Variants in PAPPA2 observed in about 807,000 individuals in gnomAD.
PAPPA2 encodes pappalysin 2.
PAPPA2 carries 86 observed loss-of-function variants against 176.4 expected under a neutral mutation model. That is an observed-to-expected ratio of 0.49 (90% confidence interval 0.41 to 0.58). PAPPA2 has a LOEUF of 0.58. PAPPA2 is among the 20% of genes least tolerant of loss of function. The pLI, the probability that PAPPA2 is intolerant of heterozygous loss-of-function variation, is 0.00. For synonymous variants in PAPPA2, 809 were observed against 852.2 expected (o/e 0.95, Z 0.88); for missense variants, 2,073 against 2,256.9 (o/e 0.92, Z 1.65).
At chr1:176,686,326 G>A (rs975423534) in intron 4 of PAPPA2, among the ~76,000 whole-genome samples, 2 of 152,180 alleles carry the variant, frequency 1.3e-5, no homozygotes, top group South Asian at 4.1e-4. Context: ...ATGAGTGCCA[G>A]TATGGGAAAT....
chr1:176,774,334 C>A (rs1002856187), intron 17 of PAPPA2, among the ~76,000 whole-genome samples: 9 of 152,144 alleles, frequency 5.9e-5, no homozygotes, highest in African/African-American at 2.2e-4. Flanking sequence ...GCCCATAAGA[C>A]CAACTGCCTA....
Position 176,792,369 on chromosome 1 carries a change from A to G in PAPPA2, c.5020+887A>G, listed in dbSNP as rs144074551. Among the ~76,000 whole-genome samples, 1,195 of 152,350 alleles carry G rather than the reference A, an allele frequency of 7.8e-3. 19 individuals carry two copies. The highest frequency in any genetic ancestry group is 0.027 in the African/African-American group (1,111 of 41,574). ...TTATCGGACATTCTAACCAATGCCA[A>G]TGAGTATAATTTGCATTAATTAGGA... On this transcript the variant is annotated intron_variant, in intron 19 of 22. Coordinates refer to ENST00000367662, the MANE Select transcript of PAPPA2 (RefSeq NM_020318.3).
intron 14 of PAPPA2, among the ~76,000 whole-genome samples, chr1:176,746,825 T>C (rs1662929349): frequency 6.6e-6 from 1 of 152,168 alleles, no homozygotes; most frequent in Non-Finnish European, 1.5e-5. Context: ...TCTTTTAAAA[T>C]AAATATCCAT....
chr1:176,570,114 T>G (rs1652231671), intron 2 of PAPPA2, among the ~76,000 whole-genome samples: 1 of 152,244 alleles, frequency 6.6e-6, no homozygotes, highest in African/African-American at 2.4e-5. Flanking sequence ...AACTTTCGTT[T>G]TGTGCACATT....
At chr1:176,464,179 A>T (rs577409388) in intron 1 of PAPPA2, among the ~76,000 whole-genome samples, 2 of 152,312 alleles carry the variant, frequency 1.3e-5, no homozygotes, top group Admixed American at 1.3e-4. Flanking sequence ...AAATTCTGGA[A>T]CAGTGATTTC....
chr1:176,689,167 T>G (rs749560326), intron 4 of PAPPA2, among the ~76,000 whole-genome samples: 10 of 152,042 alleles, frequency 6.6e-5, no homozygotes, highest in Non-Finnish European at 1.2e-4. Flanking sequence ...CCCTGACAAT[T>G]TTGGGGTGTA....
At chr1:176,648,710 G>A (rs1451863439) in intron 3 of PAPPA2, among the ~76,000 whole-genome samples, 2 of 151,298 alleles carry the variant, frequency 1.3e-5, no homozygotes, top group Non-Finnish European at 3.0e-5. Context: ...TTTGTTCTTG[G>A]TTATGTTAAT....
chr1:176,600,091 G>T (rs1654224041), intron 3 of PAPPA2, among the ~76,000 whole-genome samples: 1 of 152,124 alleles, frequency 6.6e-6, no homozygotes, highest in Admixed American at 6.6e-5. Flanking sequence ...GATGTGTCAG[G>T]CATGGTAAGG....
At chr1:176,627,559 T>C (rs1444007202) in intron 3 of PAPPA2, among the ~76,000 whole-genome samples, 2 of 152,250 alleles carry the variant, frequency 1.3e-5, no homozygotes, top group Non-Finnish European at 2.9e-5. Context: ...TTTAACGCTA[T>C]TCTTTTAAAA....
chr1:176,710,050 C>T lies in PAPPA2; in HGVS notation c.3525C>T (p.Ser1175=), dbSNP rs767221825. Residue 1175 remains serine (S), a synonymous_variant, in exon 11 of 23, where the codon AGC becomes AGT. Coordinates refer to ENST00000367662, the MANE Select transcript of PAPPA2 (RefSeq NM_020318.3). ...GTGAACCTTTTGAGAGAAAAACCAG[C>T]ATTGTAGACTGTGGCATCTACACTC... The part of the protein sequence containing the change: ...GICEPFERKT[S]IVDCGIYTPK... The T allele has an allele frequency of 5.0e-6, 8 of 1,613,204 alleles. No homozygotes were observed. In the South Asian group the frequency reaches 5.5e-5, roughly 11 times the overall value.
At chr1:176,830,114 G>A (rs1667028083) in intron 21 of PAPPA2, among the ~76,000 whole-genome samples, 1 of 152,066 alleles carries the variant, frequency 6.6e-6, no homozygotes, top group Non-Finnish European at 1.5e-5. Flanking sequence ...TATACCTGTA[G>A]TCCCAGCTAC....
intron 12 of PAPPA2, among the ~76,000 whole-genome samples, chr1:176,723,087 A>G (rs1235864276): frequency 6.6e-6 from 1 of 152,196 alleles, no homozygotes; most frequent in African/African-American, 2.4e-5. Flanking sequence ...AAAACATGGT[A>G]CCAGGGTAGT....
At chr1:176,718,055 A>G (rs1661453773) in intron 12 of PAPPA2, among the ~76,000 whole-genome samples, 1 of 152,166 alleles carries the variant, frequency 6.6e-6, no homozygotes, top group African/African-American at 2.4e-5. Context: ...CATCAGTGAA[A>G]CTATCTGAGC....
chr1:176,495,476 G>A (rs1389514770), intron 1 of PAPPA2, among the ~76,000 whole-genome samples: 1 of 150,734 alleles, frequency 6.6e-6, no homozygotes, highest in Admixed American at 6.6e-5. Flanking sequence ...GGAGGTGGAG[G>A]TTGCAGTGAG....
chr1:176,609,144 C>CCTA (rs1654772400), intron 3 of PAPPA2, among the ~76,000 whole-genome samples: 1 of 152,128 alleles, frequency 6.6e-6, no homozygotes, highest in Admixed American at 6.5e-5. Context: ...ATTATTTTTG[C>CCTA]ACAGTGAAAA....
rs952642864 is a variant in PAPPA2 at position 176,682,638 on chromosome 1, T to G, written c.2138-7499T>G. ...TAGTTATTTAAAAATATCCAATAAATTATTAGCTATAAAAAATAAAGATTC... is the reference window on the plus strand; with the variant it reads ...TAGTTATTTAAAAATATCCAATAAAGTATTAGCTATAAAAAATAAAGATTC... On this transcript the variant is annotated intron_variant, in intron 4 of 22. Coordinates refer to ENST00000367662, the MANE Select transcript of PAPPA2 (RefSeq NM_020318.3). Among the ~76,000 whole-genome samples, 4 of 117,914 alleles carry G rather than the reference T, an allele frequency of 3.4e-5. No individual in the cohort carries two copies. In the South Asian group the frequency reaches 9.1e-4, roughly 27 times the overall value. The allele number at this position is 117,914 out of a possible 152,430, so 77.4% of individuals were successfully genotyped here. A position where few individuals can be genotyped will look rare whatever the true frequency, so the allele number is the denominator to read the frequency against.
chr1:176,810,038 G>A (rs1666080682), intron 21 of PAPPA2, among the ~76,000 whole-genome samples: 2 of 150,580 alleles, frequency 1.3e-5, no homozygotes, highest in African/African-American at 4.9e-5. Flanking sequence ...AAGCACCCCT[G>A]TAGTGTGGTA....
rs945295826 is a variant in PAPPA2 at position 176,594,467 on chromosome 1, C to T, written c.920-57C>T. The stretch of plus-strand genomic sequence containing the variant: ...TACATGGGCTTTCTTCTCCCTTTCT[C>T]CATTCCCCTTTGTATCTGGTATCTG... On this transcript the variant is annotated intron_variant, in intron 2 of 22. Coordinates refer to ENST00000367662, the MANE Select transcript of PAPPA2 (RefSeq NM_020318.3). 1.1e-5 allele frequency: 15 copies of T among 1,421,568 alleles called. No individual in the cohort carries two copies. The African/African-American group carries it at 1.8e-4, about 17-fold the overall frequency. The allele number at this position is 1,421,568 out of a possible 1,614,324, so 88.1% of individuals were successfully genotyped here. A position where few individuals can be genotyped will look rare whatever the true frequency, so the allele number is the denominator to read the frequency against.
chr1:176,591,219 A>C (rs1653642341), intron 2 of PAPPA2, among the ~76,000 whole-genome samples: 1 of 152,078 alleles, frequency 6.6e-6, no homozygotes, highest in Non-Finnish European at 1.5e-5. Context: ...GTAAACTGGC[A>C]GGATGTTCGG....
Sources: allele counts gnomAD v4.1 joint callset (sites outside exome capture counted in the v4.1 genomes callset), GRCh38; gene constraint gnomAD v4.1.1; transcripts MANE v1.5; gene names NCBI Gene and HGNC (gene_info 2026-07-23, HGNC 2026-07-21).